PLD5: variants seen among roughly 807,000 people sequenced by gnomAD.
The protein encoded by PLD5 is inactive phospholipase D5.
PLD5 carries 36 observed loss-of-function variants against 61.1 expected under a neutral mutation model. The ratio of observed to expected loss-of-function variants is 0.59; its 90% CI spans 0.45 to 0.78. The LOEUF is 0.78. Ranked by LOEUF, PLD5 falls within the 30% of genes least tolerant of loss-of-function variation. The probability of loss-of-function intolerance (pLI) is 0.00; values close to 1 mark genes in which losing one functional copy is unlikely to be tolerated. For missense variants in PLD5, 515 were observed against 644.4 expected, an observed-to-expected ratio of 0.80 and a Z score of 2.17; for synonymous variants, 243 against 242.8, an observed-to-expected ratio of 1.00 and a Z score of -0.01.
chr1:242,089,907 A>G lies in PLD5; in HGVS notation c.1558T>C (p.Ser520Pro), dbSNP rs1174640655. 1.2e-6 allele frequency: 2 copies of G among 1,613,900 alleles called. No individual in the cohort carries two copies. The highest frequency in any genetic ancestry group is 1.1e-5 in the South Asian group (1 of 91,062). The change falls in exon 10 of 10, where the codon TCC becomes CCC. Residue 520 changes from serine (S) to proline (P), a missense_variant. Transcript: ENST00000536534. ...GTGTCGTCTGTGGCAGTTTTGTTGG[A>G]GAGGGGTTTGAGTTTGAACAGGCTT... ...CSSLFKLKPL[S>P]NKTATDDTGG...
intron 3 of PLD5, among the ~76,000 whole-genome samples, chr1:242,284,740 G>A (rs1390664852): frequency 6.6e-6 from 1 of 152,218 alleles, no homozygotes; most frequent in Non-Finnish European, 1.5e-5. Context: ...CCTTGTTGAA[G>A]TGAGAACCCT....
chr1:242,200,420 C>T (rs445633), intron 5 of PLD5, among the ~76,000 whole-genome samples: 2,952 of 152,216 alleles, frequency 0.019, 99 homozygotes, highest in African/African-American at 0.067. Flanking sequence ...GAGTCTGCTC[C>T]GATGAGTAAA....
intron 1 of PLD5, among the ~76,000 whole-genome samples, chr1:242,360,479 G>T (rs1297205591): frequency 1.3e-5 from 2 of 151,428 alleles, no homozygotes; most frequent in Non-Finnish European, 1.5e-5. Context: ...GAAAATGTTT[G>T]CTTTTAACTG....
intron 3 of PLD5, among the ~76,000 whole-genome samples, chr1:242,270,842 C>T (rs953358818): frequency 2.2e-4 from 33 of 152,278 alleles, no homozygotes; most frequent in Admixed American, 2.0e-4. Flanking sequence ...GCTATATCTC[C>T]AGTCTTTACC....
At chr1:242,287,721 A>G (rs1675108530) in intron 3 of PLD5, among the ~76,000 whole-genome samples, 1 of 152,246 alleles carries the variant, frequency 6.6e-6, no homozygotes, top group Non-Finnish European at 1.5e-5. Context: ...ATATAAAGAA[A>G]AACACTAAAA....
At chr1:242,329,216 C>T (rs80290138) in intron 2 of PLD5, among the ~76,000 whole-genome samples, 1 of 151,992 alleles carries the variant, frequency 6.6e-6, no homozygotes, top group East Asian at 1.9e-4. Context: ...CACCATGTTG[C>T]GCAGGCTGCT....
intron 5 of PLD5, among the ~76,000 whole-genome samples, chr1:242,165,459 A>G (rs1177409710): frequency 2.6e-5 from 4 of 151,896 alleles, no homozygotes; most frequent in Non-Finnish European, 5.9e-5. Context: ...AGGGAAAAAA[A>G]AAAAAAAACC....
chr1:242,112,193 G>A (rs750632486), intron 7 of PLD5, among the ~76,000 whole-genome samples: 19 of 151,700 alleles, frequency 1.3e-4, no homozygotes, highest in Non-Finnish European at 2.5e-4. Context: ...AAAACCAAGT[G>A]AACAACAAAG....
chr1:242,323,224 G>T (rs559540637), intron 2 of PLD5, among the ~76,000 whole-genome samples: 5 of 152,090 alleles, frequency 3.3e-5, no homozygotes, highest in Non-Finnish European at 7.4e-5. Flanking sequence ...AACTCCAGGC[G>T]GCCGTTGCTG....
intron 1 of PLD5, among the ~76,000 whole-genome samples, chr1:242,480,918 C>A (rs1667750479): frequency 6.6e-6 from 1 of 152,080 alleles, no homozygotes. Context: ...TAAAATCGTA[C>A]AACCAATTTA....
intron 1 of PLD5, among the ~76,000 whole-genome samples, chr1:242,406,472 C>T (rs572064716): frequency 4.7e-4 from 71 of 152,338 alleles, no homozygotes; most frequent in Non-Finnish European, 8.4e-4. Flanking sequence ...TTCCTATATA[C>T]AACCAGCAAT....
intron 5 of PLD5, among the ~76,000 whole-genome samples, chr1:242,143,838 CT>C (rs954320100): frequency 4.1e-5 from 6 of 148,118 alleles, no homozygotes; most frequent in South Asian, 2.1e-4. Context: ...TATTTCTTTC[CT>C]TTTTTTTTTC....
intron 1 of PLD5, among the ~76,000 whole-genome samples, chr1:242,430,857 G>T (rs1423678642): frequency 2.6e-5 from 4 of 152,156 alleles, no homozygotes; most frequent in African/African-American, 9.7e-5. Flanking sequence ...GATGAAGTCT[G>T]AACATGTCTG....
chr1:242,208,322 C>T (rs1669575161), intron 5 of PLD5, among the ~76,000 whole-genome samples: 1 of 152,038 alleles, frequency 6.6e-6, no homozygotes, highest in South Asian at 2.1e-4. Flanking sequence ...GATTTTCCTC[C>T]TCCCAAGTCC....
intron 7 of PLD5, among the ~76,000 whole-genome samples, chr1:242,108,524 C>T (rs1238761345): frequency 1.3e-5 from 2 of 152,182 alleles, no homozygotes; most frequent in African/African-American, 2.4e-5. Context: ...TCTACCATGA[C>T]CTGGCCACTT....
intron 5 of PLD5, among the ~76,000 whole-genome samples, chr1:242,165,229 ATTATGCAGCCATATTTCT>A (rs1666215367): frequency 6.6e-6 from 1 of 152,168 alleles, no homozygotes; most frequent in African/African-American, 2.4e-5. Context: ...TGTGGTTACC[ATTATGCAGCCATATTTCT>A]AGAACAAGCT....
intron 5 of PLD5, among the ~76,000 whole-genome samples, chr1:242,180,735 C>A (rs555996091): frequency 6.6e-6 from 1 of 152,136 alleles, no homozygotes; most frequent in African/African-American, 2.4e-5. Context: ...AATCCCAGCA[C>A]TTTGGGAGAC....
chr1:242,357,005 A>G (rs1010882836), intron 1 of PLD5, among the ~76,000 whole-genome samples: 1 of 151,718 alleles, frequency 6.6e-6, no homozygotes, highest in Non-Finnish European at 1.5e-5. Context: ...GCTATTTATT[A>G]TGTATACCAT....
chr1:242,501,446 A>T (rs1668551325), intron 1 of PLD5, among the ~76,000 whole-genome samples: 1 of 152,202 alleles, frequency 6.6e-6, no homozygotes, highest in Non-Finnish European at 1.5e-5. Context: ...CTCTCGTATG[A>T]CCTTCACCCT....
Sources: allele counts gnomAD v4.1 joint callset (sites outside exome capture counted in the v4.1 genomes callset), GRCh38; gene constraint gnomAD v4.1.1; transcripts MANE v1.5; gene names NCBI Gene and HGNC (gene_info 2026-07-23, HGNC 2026-07-21).